Variants in SECISBP2 observed in about 807,000 individuals in gnomAD.
The protein encoded by SECISBP2 is SECIS binding protein 2.
Under a neutral mutation model 98.2 loss-of-function variants are expected in SECISBP2, and 96 were observed. The observed-to-expected ratio is 0.98, with a 90% CI of 0.83 to 1.16. The LOEUF (loss-of-function observed/expected upper bound fraction) is 1.16. Among genes scored for constraint, SECISBP2 ranks in the 50% most tolerant of loss-of-function variants. The pLI, the probability that SECISBP2 is intolerant of heterozygous loss-of-function variation, is 0.00. For missense variants in SECISBP2, 1,046 were observed against 1,022.9 expected, an observed-to-expected ratio of 1.02 and a Z score of -0.31; for synonymous variants, 407 against 370.2, an observed-to-expected ratio of 1.10 and a Z score of -1.14.
Position 89,338,510 on chromosome 9 carries a change from A to T in SECISBP2, c.1142A>T (p.Asn381Ile). Residue 381 changes from asparagine (N) to isoleucine (I), a missense_variant, in exon 8 of 17, where the codon AAT (asparagine) becomes ATT (isoleucine). Transcript: ENST00000375807. ...GAACAAAATGAAGCCTCAAGAAAGA[A>T]TAAGAAAAAGAAAGAAAAATCTACA... ...DLEQNEASRK[N>I]KKKKEKSTSK... The T allele has an allele frequency of 1.9e-6, 3 of 1,613,558 alleles. No homozygotes were observed. Among genetic ancestry groups the T allele is most frequent in the Non-Finnish European group, 2.5e-6 (3 of 1,179,876 alleles).
chr9:89,341,399 TG>T lies in SECISBP2; in HGVS notation c.1361del (p.Gly454AlafsTer3), dbSNP rs771620538. 1.2e-6 allele frequency: 2 copies of T among 1,613,978 alleles called. No homozygotes were observed. The highest frequency in any genetic ancestry group is 2.2e-5 in the East Asian group (1 of 44,866). On this transcript the variant is annotated frameshift_variant, in exon 10 of 17. Transcript: ENST00000375807. LOFTEE classifies it high-confidence loss of function. ...KKSQLPVQLD[L>X]GGMLTALEKK... ...AGCCAGCTTCCAGTGCAGTTGGACT[TG>T]GGGGGCATGCTGACAGCCCTGGAGA...
chr9:89,318,626 G>C lies in SECISBP2; in HGVS notation c.36+14G>C. 7.0e-7 allele frequency: 1 copy of C among 1,426,516 alleles called. No homozygotes were observed. The highest frequency in any genetic ancestry group is 9.1e-7 in the Non-Finnish European group (1 of 1,098,878). 88.4% of individuals were successfully genotyped at this position (1,426,516 alleles called of 1,614,324 possible). A position where few individuals can be genotyped will look rare whatever the true frequency, so the allele number is the denominator to read the frequency against. ...CCCGAAAGCGAGGTAAGGGCCGACG[G>C]GGGCTCTCTCGGCAGCCTCAGTCCG... On this transcript the variant is annotated intron_variant, in intron 1 of 16. Transcript: ENST00000375807.
Position 89,334,419 on chromosome 9 carries a change from A to G in SECISBP2, c.881-103A>G, listed in dbSNP as rs942098876. On this transcript the variant is annotated intron_variant, in intron 6 of 16. Coordinates refer to ENST00000375807, the MANE Select transcript of SECISBP2 (RefSeq NM_024077.5). Reference sequence around the variant, plus strand: ...TGTTTTAAATGATAGCCTACATTTAATGATGCTCTGAGCAGTTACCTCATG... The same window carrying G: ...TGTTTTAAATGATAGCCTACATTTAGTGATGCTCTGAGCAGTTACCTCATG... 25 of 980,050 alleles carry G rather than the reference A, an allele frequency of 2.6e-5. No individual in the cohort carries two copies. The African/African-American group carries it at 3.2e-4, about 13-fold the overall frequency. 60.7% of individuals were successfully genotyped at this position (980,050 alleles called of 1,614,324 possible). A position where few individuals can be genotyped will look rare whatever the true frequency, so the allele number is the denominator to read the frequency against.
At chr9:89,362,537 A>G (rs923050699), downstream of SECISBP2, 1 of 1,587,392 alleles carries the variant, frequency 6.3e-7, no homozygotes, top group African/African-American at 1.3e-5. Context: ...TCAAGGCCTC[A>G]GCCCCCTGTT....
chr9:89,327,976 T>G (rs1235197061), intron 4 of SECISBP2, among the ~76,000 whole-genome samples: 1 of 152,158 alleles, frequency 6.6e-6, no homozygotes, highest in African/African-American at 2.4e-5. Flanking sequence ...CAGCTAATTT[T>G]TGTATTTTCA....
chr9:89,362,071 C>T, downstream of SECISBP2: 1 of 506,124 alleles, frequency 2.0e-6, no homozygotes, highest in Non-Finnish European at 3.6e-6. Context: ...GAGGAGGAAC[C>T]TGCACACACC....
intron 2 of SECISBP2, chr9:89,324,869 A>C (rs7036967): frequency 0.013 from 2,039 of 156,890 alleles, 38 homozygotes; most frequent in African/African-American, 0.045. Context: ...CTTGGGATAA[A>C]TTGAGGCAAT....
chr9:89,331,413 C>T lies in SECISBP2; in HGVS notation c.802-1495C>T, dbSNP rs550149893. ...CTGTGTTTTAATATTATTTTTTATT[C>T]CTGGACTCATGTTATGAATTGACAA... On this transcript the variant is annotated intron_variant, in intron 5 of 16. Coordinates refer to ENST00000375807, the MANE Select transcript of SECISBP2 (RefSeq NM_024077.5). Among the ~76,000 whole-genome samples, 4 of 151,994 alleles carry T rather than the reference C, an allele frequency of 2.6e-5. No homozygotes were observed. In the South Asian group the frequency reaches 8.3e-4, roughly 32 times the overall value.
At chr9:89,340,078 C>T in intron 9 of SECISBP2, 125 bp downstream of exon 9, 2 of 700,530 alleles carry the variant, frequency 2.9e-6, no homozygotes, top group East Asian at 2.8e-5. Flanking sequence ...TTGATTCATT[C>T]CTTCATGAGA....
At position 89,339,965 on chromosome 9, in the gene SECISBP2, A is replaced by T; in HGVS notation, c.1302+12A>T. 1.3e-6 allele frequency: 2 copies of T among 1,580,534 alleles called. No homozygotes were observed. The highest frequency in any genetic ancestry group is 1.7e-6 in the Non-Finnish European group (2 of 1,149,778). ...AGCAGCAGCCACAGGTAATTTTTAG[A>T]TTGAAACCACAAATTGCTTTAGGCT... On this transcript the variant is annotated intron_variant, in intron 9 of 16. Transcript: ENST00000375807.
At chr9:89,346,817 C>G in intron 10 of SECISBP2, 65 bp from the exon 11 acceptor site, 1 of 1,600,712 alleles carries the variant, frequency 6.2e-7, no homozygotes, top group Non-Finnish European at 8.6e-7. Flanking sequence ...GGGCGAGCTG[C>G]GATCCAAGAG....
At chr9:89,327,915 A>G (rs1827049668) in intron 4 of SECISBP2, among the ~76,000 whole-genome samples, 1 of 151,952 alleles carries the variant, frequency 6.6e-6, no homozygotes, top group Non-Finnish European at 1.5e-5. Context: ...AGTTCAAGCA[A>G]TTCTTGTGCC....
At chr9:89,320,441 A>T (rs1215389353) in intron 2 of SECISBP2, among the ~76,000 whole-genome samples, 1 of 151,560 alleles carries the variant, frequency 6.6e-6, no homozygotes, top group East Asian at 1.9e-4. Context: ...CTAATGGGAG[A>T]TGAAATGTGG....
At chr9:89,347,465 C>CTTTT (rs1184563393) in intron 11 of SECISBP2, among the ~76,000 whole-genome samples, 90 of 87,396 alleles carry the variant, frequency 1.0e-3, no homozygotes, top group Non-Finnish European at 1.4e-3. Flanking sequence ...CCGGTGAATT[C>CTTTT]TTTTTTTTTT....
intron 5 of SECISBP2, chr9:89,332,549 CAT>C: frequency 3.4e-6 from 1 of 295,614 alleles, no homozygotes. Context: ...TCTAGAATGT[CAT>C]ATAGTTGGAA....
intron 13 of SECISBP2, 29 bp downstream of exon 13, chr9:89,349,958 AG>A: frequency 6.2e-7 from 1 of 1,612,808 alleles, no homozygotes; most frequent in Non-Finnish European, 8.5e-7. Flanking sequence ...GCCAGGGACT[AG>A]GGGAAGATGG....
intron 2 of SECISBP2, among the ~76,000 whole-genome samples, chr9:89,321,429 G>T (rs1220281291): frequency 6.6e-6 from 1 of 152,192 alleles, no homozygotes; most frequent in Non-Finnish European, 1.5e-5. Context: ...CACTTTGGGA[G>T]GCCAAGGCGG....
intron 10 of SECISBP2, among the ~76,000 whole-genome samples, chr9:89,341,878 T>G (rs1175703984): frequency 1.3e-5 from 2 of 152,224 alleles, no homozygotes; most frequent in East Asian, 3.8e-4. Context: ...ATCTTCATGA[T>G]CTTTTATTAG....
At chr9:89,318,815 C>T in intron 1 of SECISBP2, 4 of 1,266,820 alleles carry the variant, frequency 3.2e-6, no homozygotes, top group East Asian at 3.2e-5. Context: ...CTACAGACCC[C>T]GCCCACAGTT....
Sources: allele counts gnomAD v4.1 joint callset (sites outside exome capture counted in the v4.1 genomes callset), GRCh38; gene constraint gnomAD v4.1.1; transcripts MANE v1.5; gene names NCBI Gene and HGNC (gene_info 2026-07-23, HGNC 2026-07-21).